Variants in CLASP1 observed in about 807,000 individuals in gnomAD.
CLASP1 encodes CLIP-associating protein 1.
In CLASP1, 38 loss-of-function variants were observed where a neutral mutation model predicts 192.3. The observed-to-expected ratio is 0.20, with a 90% confidence interval of 0.15 to 0.26. The LOEUF is 0.26. CLASP1 is among the 10% of genes least tolerant of loss of function. The pLI is 1.00. For synonymous variants in CLASP1, 691 were observed against 712.8 expected, an observed-to-expected ratio of 0.97 and a Z score of 0.49; for missense variants, 1,433 against 1,932.5, an observed-to-expected ratio of 0.74 and a Z score of 4.85.
intron 1 of CLASP1, among the ~76,000 whole-genome samples, chr2:121,615,629 T>C (rs1038387641): frequency 2.0e-5 from 3 of 151,616 alleles, no homozygotes; most frequent in African/African-American, 7.3e-5. Context: ...ACTAAAAATA[T>C]AGAAATTAGC....
intron 34 of CLASP1, among the ~76,000 whole-genome samples, chr2:121,376,850 T>C (rs1355475093): frequency 6.6e-6 from 1 of 152,212 alleles, no homozygotes; most frequent in African/African-American, 2.4e-5. Flanking sequence ...CTAGGTTGCG[T>C]GGTCCTTATG....
At chr2:121,364,075 T>TAAAAAGTTTTTTTTA (rs1443075645) in intron 36 of CLASP1, 2 of 152,258 alleles carry the variant, frequency 1.3e-5, no homozygotes, top group Admixed American at 6.5e-5. Context: ...AAAGTATTTT[T>TAAAAAGTTTTTTTTA]AAAAAGTTTT....
At chr2:121,350,423 C>T (rs1263985669) in intron 37 of CLASP1, among the ~76,000 whole-genome samples, 1 of 152,156 alleles carries the variant, frequency 6.6e-6, no homozygotes, top group Non-Finnish European at 1.5e-5. Context: ...AGCTGTGTAG[C>T]AGACAGGCCC....
chr2:121,537,121 G>A (rs890904941), intron 2 of CLASP1, among the ~76,000 whole-genome samples: 3 of 152,150 alleles, frequency 2.0e-5, no homozygotes, highest in Non-Finnish European at 4.4e-5. Flanking sequence ...GCCGGGCACA[G>A]TGGCTCACAC....
chr2:121,376,294 TGA>T (rs2070109217), intron 34 of CLASP1, among the ~76,000 whole-genome samples: 1 of 152,036 alleles, frequency 6.6e-6, no homozygotes, highest in African/African-American at 2.4e-5. Flanking sequence ...CCTCAACAAA[TGA>T]ATGCATAAAG....
At chr2:121,631,658 C>T (rs1023388476) in intron 1 of CLASP1, among the ~76,000 whole-genome samples, 18 of 152,050 alleles carry the variant, frequency 1.2e-4, no homozygotes, top group Non-Finnish European at 1.5e-5. Flanking sequence ...CACCTGTAAT[C>T]CCAGCACTTT....
intron 37 of CLASP1, among the ~76,000 whole-genome samples, chr2:121,358,382 G>A: frequency 6.6e-6 from 1 of 152,154 alleles, no homozygotes; most frequent in Admixed American, 6.5e-5. Context: ...AGGGGTAAAG[G>A]CATTTCTCCA....
chr2:121,546,148 G>C (rs549513995), intron 2 of CLASP1, among the ~76,000 whole-genome samples: 5 of 152,218 alleles, frequency 3.3e-5, no homozygotes, highest in Admixed American at 2.0e-4. Context: ...CTTTAGCCAT[G>C]AGACTACCTC....
At chr2:121,482,578 G>C (rs554112411) in intron 8 of CLASP1, among the ~76,000 whole-genome samples, 1 of 152,274 alleles carries the variant, frequency 6.6e-6, no homozygotes, top group East Asian at 1.9e-4. Context: ...AACACAAAGA[G>C]ACTGGTACTT....
chr2:121,581,981 A>C (rs2061223501), intron 2 of CLASP1, among the ~76,000 whole-genome samples: 1 of 151,982 alleles, frequency 6.6e-6, no homozygotes, highest in Non-Finnish European at 1.5e-5. Context: ...CCAGGAGTTC[A>C]AGACCAGCCT....
intron 2 of CLASP1, among the ~76,000 whole-genome samples, chr2:121,577,865 A>G (rs2060682050): frequency 6.6e-6 from 1 of 152,076 alleles, no homozygotes; most frequent in African/African-American, 2.4e-5. Context: ...GCTTGAGTCC[A>G]GGAGTTCAAG....
rs751974506 is a variant in CLASP1, at chr2:121,449,268, G to T, written c.1524-148C>A. ...GCAGGAGGAGAGGGTAAACAAAGGA[G>T]ACCTGGTACGAATCCTGGCCTCACA... On this transcript the variant is annotated intron_variant, in intron 16 of 39. Transcript: ENST00000263710. 2.0e-4 allele frequency: 126 copies of T among 624,582 alleles called. No homozygotes were observed. The Middle Eastern group carries it at 2.1e-3, about 11-fold the overall frequency. The allele number at this position is 624,582 out of a possible 1,614,324, so 38.7% of individuals were successfully genotyped here.
At chr2:121,439,616 T>C (rs2082920398) in intron 19 of CLASP1, among the ~76,000 whole-genome samples, 1 of 152,142 alleles carries the variant, frequency 6.6e-6, no homozygotes, top group African/African-American at 2.4e-5. Flanking sequence ...TTGTTCAGTT[T>C]CCATATAGTT....
At chr2:121,471,578 A>T (rs532813038) in intron 8 of CLASP1, among the ~76,000 whole-genome samples, 62 of 152,206 alleles carry the variant, frequency 4.1e-4, no homozygotes, top group African/African-American at 1.4e-3. Flanking sequence ...CTAAATTATC[A>T]ACAGCCAAGT....
In CLASP1 at chr2:121,617,748, C is replaced by G. The variant is rs149361077; in HGVS notation, c.-285-11568G>C. Among the ~76,000 whole-genome samples the G allele has an allele frequency of 4.8e-3, 725 of 152,316 alleles. 7 individuals are homozygous for G. Among genetic ancestry groups the G allele is most frequent in the Non-Finnish European group, 8.1e-3 (551 of 68,022 alleles). On this transcript the variant is annotated intron_variant, in intron 1 of 39. Transcript: ENST00000263710. ...TTCATCTCTCATCTCTACCCACCTT[C>G]CAGATCTCTGTTGGTGGGCTCAGTC...
At chr2:121,555,106 T>C (rs1342020417) in intron 2 of CLASP1, among the ~76,000 whole-genome samples, 3 of 152,218 alleles carry the variant, frequency 2.0e-5, no homozygotes, top group Non-Finnish European at 4.4e-5. Flanking sequence ...AGAGTCCTAA[T>C]GGAGTCAAGA....
At chr2:121,510,922 G>C (rs1307623938) in intron 7 of CLASP1, among the ~76,000 whole-genome samples, 7 of 152,172 alleles carry the variant, frequency 4.6e-5, no homozygotes, top group Non-Finnish European at 8.8e-5. Context: ...CACCTGCCGA[G>C]AAAGGTGAAG....
rs200383506 is a variant in CLASP1 at position 121,638,670 on chromosome 2, A to AT, written c.-286+10701dup. On this transcript the variant is annotated intron_variant, in intron 1 of 39. Coordinates refer to ENST00000263710, the Ensembl canonical transcript of CLASP1. The stretch of plus-strand genomic sequence containing the variant: ...TAAAAAAAGAATGGTGTTCTTTTTT[A>AT]TTTTTTTTTTTTTTGAGACAGAGTT... 5.1e-3 allele frequency among the ~76,000 whole-genome samples: 656 copies of AT among 129,568 alleles called. 1 individual carries two copies. The highest frequency in any genetic ancestry group is 0.018 in the South Asian group (76 of 4,260). 85.0% of individuals were successfully genotyped at this position (129,568 alleles called of 152,430 possible).
chr2:121,351,625 T>C (rs1480884605), intron 37 of CLASP1, among the ~76,000 whole-genome samples: 1 of 152,160 alleles, frequency 6.6e-6, no homozygotes, highest in Non-Finnish European at 1.5e-5. Context: ...AGGAGTTTCA[T>C]GAAATAAGAT....
Sources: gnomAD v4.1 joint callset for allele counts (sites outside exome capture counted in the v4.1 genomes callset) on GRCh38, gnomAD v4.1.1 for gene constraint, MANE v1.5 for transcripts, NCBI Gene and HGNC (gene_info 2026-07-23, HGNC 2026-07-21) for gene names.